Variants in FOCAD observed in about 807,000 individuals in gnomAD.
FOCAD encodes focadhesin.
In FOCAD, 198 loss-of-function variants were observed where a neutral mutation model predicts 225.6. That is an observed-to-expected ratio of 0.88 (90% CI 0.78 to 0.99). The LOEUF (loss-of-function observed/expected upper bound fraction) is 0.99. FOCAD is among the 50% of genes least tolerant of loss of function. The probability of loss-of-function intolerance (pLI) is 0.00; values close to 1 mark genes in which losing one functional copy is unlikely to be tolerated. For synonymous variants in FOCAD, 897 were observed against 755.0 expected (o/e 1.19, Z -3.08); for missense variants, 2,713 against 2,123.6 (o/e 1.28, Z -5.46).
chr9:20,823,682 A>G (rs1824568520), intron 15 of FOCAD, among the ~76,000 whole-genome samples: 1 of 152,126 alleles, frequency 6.6e-6, no homozygotes, highest in South Asian at 2.1e-4. Context: ...TAATTGCACC[A>G]AAGATCATTC....
chr9:20,945,230 GT>G (rs11435595), intron 29 of FOCAD, among the ~76,000 whole-genome samples: 3 of 152,048 alleles, frequency 2.0e-5, no homozygotes, highest in African/African-American at 7.3e-5. Context: ...TTAGAGAAAA[GT>G]TTTTTTCTGT....
At chr9:20,916,557 C>T (rs1361985638) in intron 23 of FOCAD, among the ~76,000 whole-genome samples, 2 of 152,178 alleles carry the variant, frequency 1.3e-5, no homozygotes. Flanking sequence ...GTGGGGTATG[C>T]AAACATTCAG....
chr9:20,812,224 T>C (rs1231384441), intron 11 of FOCAD, among the ~76,000 whole-genome samples: 1 of 152,076 alleles, frequency 6.6e-6, no homozygotes, highest in Non-Finnish European at 1.5e-5. Flanking sequence ...ATATCTTGAA[T>C]TATTTCATTC....
chr9:20,752,113 G>A (rs1479933575), intron 5 of FOCAD, among the ~76,000 whole-genome samples: 1 of 147,442 alleles, frequency 6.8e-6, no homozygotes, highest in Non-Finnish European at 1.5e-5. Context: ...TAGGTTGCCT[G>A]TTCACTCTGA....
chr9:20,710,552 C>T lies in FOCAD; in HGVS notation c.-32-4770C>T, dbSNP rs187516043. Among the ~76,000 whole-genome samples the T allele has an allele frequency of 1.3e-3, 203 of 151,596 alleles. 1 individual carries two copies. Among genetic ancestry groups the T allele is most frequent in the African/African-American group, 4.7e-3 (194 of 41,308 alleles). On this transcript the variant is annotated intron_variant, in intron 1 of 43. Transcript: ENST00000338382. Reference sequence around the variant, plus strand: ...TGGAGGCTGCAGTGAGCTGGTATCACGCCATTTCACTCTAGCCTGGGCAAC... The same window carrying T: ...TGGAGGCTGCAGTGAGCTGGTATCATGCCATTTCACTCTAGCCTGGGCAAC...
chr9:20,809,669 A>G (rs1429497318), intron 11 of FOCAD, among the ~76,000 whole-genome samples: 1 of 152,102 alleles, frequency 6.6e-6, no homozygotes, highest in African/African-American at 2.4e-5. Flanking sequence ...TTTAATCTTT[A>G]AAGTTGAGTT....
chr9:20,700,051 C>T (rs1211008456), intron 1 of FOCAD, among the ~76,000 whole-genome samples: 3 of 151,276 alleles, frequency 2.0e-5, no homozygotes, highest in African/African-American at 4.9e-5. Context: ...TGATTGCAAA[C>T]GTTAACTAAT....
At chr9:20,879,682 T>G (rs927672940) in intron 19 of FOCAD, among the ~76,000 whole-genome samples, 1 of 152,154 alleles carries the variant, frequency 6.6e-6, no homozygotes, top group African/African-American at 2.4e-5. Flanking sequence ...AGAAAGAGAT[T>G]GGGGAAAGCT....
chr9:20,977,359 A>T (rs1021206844), intron 36 of FOCAD, among the ~76,000 whole-genome samples: 5 of 152,230 alleles, frequency 3.3e-5, no homozygotes, highest in Non-Finnish European at 7.3e-5. Flanking sequence ...GGATGTGAAC[A>T]TTATTGGGGA....
chr9:20,828,212 T>C (rs1297680442), intron 15 of FOCAD, among the ~76,000 whole-genome samples: 1 of 151,792 alleles, frequency 6.6e-6, no homozygotes, highest in Non-Finnish European at 1.5e-5. Context: ...ACAAAAAAAG[T>C]AACTATGTAA....
At chr9:20,779,041 G>A (rs2131082401) in intron 9 of FOCAD, among the ~76,000 whole-genome samples, 1 of 152,218 alleles carries the variant, frequency 6.6e-6, no homozygotes, top group Non-Finnish European at 1.5e-5. Flanking sequence ...GAATGGCATA[G>A]CACCTTATTC....
chr9:20,773,340 A>G (rs1231213068), intron 8 of FOCAD, among the ~76,000 whole-genome samples: 1 of 152,264 alleles, frequency 6.6e-6, no homozygotes, highest in African/African-American at 2.4e-5. Context: ...AAAAATCACT[A>G]GGCAGAGTTT....
intron 5 of FOCAD, among the ~76,000 whole-genome samples, chr9:20,748,039 G>C (rs1196046592): frequency 6.6e-6 from 1 of 151,766 alleles, no homozygotes; most frequent in East Asian, 1.9e-4. Context: ...TTGTCAAAGT[G>C]AGCATTTTGC....
At chr9:20,683,616 C>G (rs922380849), upstream of FOCAD, 1 of 152,118 alleles carries the variant, frequency 6.6e-6, no homozygotes, top group Non-Finnish European at 1.5e-5. Flanking sequence ...AATAATTACT[C>G]GCGCCAATTC....
At chr9:20,745,447 G>A (rs944381968) in intron 5 of FOCAD, among the ~76,000 whole-genome samples, 7 of 152,224 alleles carry the variant, frequency 4.6e-5, no homozygotes, top group African/African-American at 4.8e-5. Context: ...TCAATATTTC[G>A]CTAGTGTTTT....
At chr9:20,813,816 A>G (rs1823348698) in intron 11 of FOCAD, among the ~76,000 whole-genome samples, 1 of 152,136 alleles carries the variant, frequency 6.6e-6, no homozygotes, top group Non-Finnish European at 1.5e-5. Flanking sequence ...CCATTATTTA[A>G]AATAGGATAT....
chr9:20,880,299 G>A (rs1830560293), intron 19 of FOCAD, among the ~76,000 whole-genome samples: 1 of 152,150 alleles, frequency 6.6e-6, no homozygotes, highest in African/African-American at 2.4e-5. Flanking sequence ...AGAGATAACG[G>A]GAGGAAGAAG....
intron 4 of FOCAD, among the ~76,000 whole-genome samples, chr9:20,724,028 A>T (rs1050758520): frequency 6.6e-6 from 1 of 152,180 alleles, no homozygotes; most frequent in African/African-American, 2.4e-5. Flanking sequence ...ATCTCATGTG[A>T]ACTAACTGAG....
intron 2 of FOCAD, among the ~76,000 whole-genome samples, chr9:20,660,243 A>G (rs1821673006): frequency 6.6e-6 from 1 of 152,210 alleles, no homozygotes; most frequent in Non-Finnish European, 1.5e-5. Context: ...AGGGCTTATC[A>G]GGCGCCAAGC....
Sources: allele counts gnomAD v4.1 joint callset (sites outside exome capture counted in the v4.1 genomes callset), GRCh38; gene constraint gnomAD v4.1.1; transcripts MANE v1.5; gene names NCBI Gene and HGNC (gene_info 2026-07-23, HGNC 2026-07-21).